The following GET4 variants were observed in gnomAD, a reference collection of about 807,000 sequenced individuals.
The protein encoded by GET4 is guided entry of tail-anchored proteins factor 4, also known as Golgi to ER traffic protein 4 homolog.
GET4 carries 20 observed loss-of-function variants against 40.0 expected under a neutral mutation model. The ratio of observed to expected loss-of-function variants is 0.50; its 90% CI spans 0.35 to 0.73. GET4 has a LOEUF of 0.73. Ranked by LOEUF, GET4 falls within the 30% of genes least tolerant of loss-of-function variation. The probability of loss-of-function intolerance (pLI) is 0.01; values close to 1 mark genes in which losing one functional copy is unlikely to be tolerated. For synonymous variants in GET4, 280 were observed against 194.6 expected (o/e 1.44, Z -3.65); for missense variants, 557 against 454.0 (o/e 1.23, Z -2.06).
chr7:887,644 G>A (rs1844218399), intron 4 of GET4, 125 bp downstream of exon 4: 7 of 719,446 alleles, frequency 9.7e-6, no homozygotes, highest in Non-Finnish European at 1.4e-5. Flanking sequence ...TGGTCACGCG[G>A]GCCGGTCCAT....
In GET4 at chr7:890,439, G is replaced by A. The variant is rs527786278; in HGVS notation, c.467-489G>A. ...ACGGGCCTGGGAGTGGAGGGAGTGT[G>A]AGCGGGTGTTAGGACGGGCTTGGGA... On this transcript the variant is annotated intron_variant, in intron 4 of 8. Transcript: ENST00000265857. Among the ~76,000 whole-genome samples the A allele has an allele frequency of 4.8e-4, 72 of 150,464 alleles. 5 individuals carry two copies. The highest frequency in any genetic ancestry group is 1.7e-3 in the African/African-American group (70 of 40,760).
chr7:889,312 C>T (rs1316923146), intron 4 of GET4, among the ~76,000 whole-genome samples: 1 of 152,266 alleles, frequency 6.6e-6, no homozygotes, highest in Non-Finnish European at 1.5e-5. Context: ...GGTGGCCACG[C>T]ACTGCCTCTG....
rs576831764 is a variant in GET4, at chr7:892,149, C to G, written c.606-129C>G. 4.8e-6 allele frequency: 4 copies of G among 833,876 alleles called. No homozygotes were observed. The South Asian group carries it at 4.8e-5, about 10-fold the overall frequency. The allele number at this position is 833,876 out of a possible 1,614,324, so 51.7% of individuals were successfully genotyped here. ...GAAGACACGCGTGAAGCACTGGGTC[C>G]CTCCATGGCCTTGGGCCGCAGGAAC... On this transcript the variant is annotated intron_variant, in intron 5 of 8. Transcript: ENST00000265857.
chr7:884,395 G>C (rs1406091722), intron 1 of GET4: 31 of 1,291,968 alleles, frequency 2.4e-5, no homozygotes, highest in Non-Finnish European at 3.2e-5. Context: ...TGGTGTTGGG[G>C]TGGGTCTCCC....
chr7:887,419 C>T lies in GET4; in HGVS notation c.366C>T (p.Arg122=), dbSNP rs191613326. The change falls in exon 4 of 9, where the codon CGC becomes CGT. Residue 122 remains arginine, a synonymous_variant. Transcript: ENST00000265857. ...FSLMDPNSPE[R]VTFVSRALKW... is the part of the protein sequence containing the mutation. ...TGATGGACCCCAACTCTCCTGAGCGCGTGACCTTTGTGTCCAGAGCCCTGA... is the reference window on the plus strand; with the variant it reads ...TGATGGACCCCAACTCTCCTGAGCGTGTGACCTTTGTGTCCAGAGCCCTGA... 89 of 1,604,140 alleles carry T rather than the reference C, an allele frequency of 5.5e-5. 2 individuals carry two copies. Among genetic ancestry groups the T allele is most frequent in the Middle Eastern group, 1.7e-4 (1 of 6,028 alleles).
chr7:892,076 T>C (rs1225092732), intron 5 of GET4, among the ~76,000 whole-genome samples: 1 of 152,244 alleles, frequency 6.6e-6, no homozygotes, highest in Non-Finnish European at 1.5e-5. Flanking sequence ...AGCTTCATTC[T>C]CTTCACCTGT....
At chr7:884,196 GT>G (rs1426385613) in intron 1 of GET4, 14 of 1,302,566 alleles carry the variant, frequency 1.1e-5, no homozygotes, top group Non-Finnish European at 1.4e-5. Context: ...CTTGCTCAGG[GT>G]CGGTGCATGC....
chr7:892,708 TGTG>T (rs1236874186), intron 6 of GET4, among the ~76,000 whole-genome samples: 5 of 149,466 alleles, frequency 3.3e-5, no homozygotes, highest in Admixed American at 6.7e-5. Flanking sequence ...TGTGTGCAGG[TGTG>T]GGGTGGTGTG....
intron 1 of GET4, chr7:883,442 C>T (rs964005255): frequency 4.4e-6 from 4 of 899,366 alleles, no homozygotes; most frequent in Admixed American, 6.2e-5. Flanking sequence ...GCCACTAGTT[C>T]TAATGCTTGC....
chr7:879,344 C>T (rs368280873), intron 1 of GET4, among the ~76,000 whole-genome samples: 59 of 152,340 alleles, frequency 3.9e-4, no homozygotes, highest in African/African-American at 1.3e-3. Context: ...GCCCCAGCCA[C>T]GGAGTGGATG....
At chr7:892,890 G>T (rs923698459) in intron 6 of GET4, among the ~76,000 whole-genome samples, 1 of 151,674 alleles carries the variant, frequency 6.6e-6, no homozygotes, top group Non-Finnish European at 1.5e-5. Context: ...GTGTGTAGAC[G>T]TGTGGGTAGC....
At chr7:885,186 TG>T (rs1355685983) in intron 1 of GET4, 2 of 152,280 alleles carry the variant, frequency 1.3e-5, no homozygotes, top group African/African-American at 2.4e-5. Flanking sequence ...TAACTCGTTA[TG>T]TATCTTTTGA....
Position 876,630 on chromosome 7 carries a change from G to C in GET4, c.-16G>C, listed in dbSNP as rs1843942912. 1.5e-5 allele frequency: 19 copies of C among 1,229,242 alleles called. No individual in the cohort carries two copies. The highest frequency in any genetic ancestry group is 9.2e-5 in the Admixed American group (2 of 21,762). 76.1% of individuals were successfully genotyped at this position (1,229,242 alleles called of 1,614,324 possible). A position where few individuals can be genotyped will look rare whatever the true frequency, so the allele number is the denominator to read the frequency against. ...GCGCCTGCGACAGCGTCAGCCCTGC[G>C]CGGAGCGCCGGCCCGATGGCGGCGG... On this transcript the variant is annotated 5_prime_UTR_variant, in exon 1 of 9. Coordinates refer to ENST00000265857, the MANE Select transcript of GET4 (RefSeq NM_015949.3).
intron 4 of GET4, among the ~76,000 whole-genome samples, chr7:887,966 C>G (rs1025031600): frequency 6.6e-6 from 1 of 152,050 alleles, no homozygotes; most frequent in Admixed American, 6.5e-5. Flanking sequence ...TTTTTAGTTC[C>G]AGGTCTGCAG....
chr7:881,251 G>A (rs1844079775), intron 1 of GET4: 1 of 152,330 alleles, frequency 6.6e-6, no homozygotes, highest in African/African-American at 2.4e-5. Context: ...ATTTGGTGAG[G>A]TCTGACATGA....
chr7:880,895 T>TG (rs1248023148), intron 1 of GET4: 1 of 152,256 alleles, frequency 6.6e-6, no homozygotes, highest in Non-Finnish European at 1.5e-5. Context: ...GACAGAGTCT[T>TG]GCTCTGTCGC....
chr7:876,813 G>T lies in GET4; in HGVS notation c.155+13G>T. The T allele has an allele frequency of 8.5e-7, 1 of 1,175,296 alleles. No individual in the cohort carries two copies. The highest frequency in any genetic ancestry group is 1.1e-6 in the Non-Finnish European group (1 of 938,834). 72.8% of individuals were successfully genotyped at this position (1,175,296 alleles called of 1,614,324 possible). On this transcript the variant is annotated intron_variant, in intron 1 of 8. Transcript: ENST00000265857. ...CCCTGTTCTTCAGGTACCCGCGCCC[G>T]GCCCTCGCCGCAGCCCAGCGCCCGC...
intron 1 of GET4, chr7:883,992 G>T (rs1489765432): frequency 4.6e-6 from 5 of 1,082,240 alleles, no homozygotes; most frequent in African/African-American, 1.7e-5. Flanking sequence ...GCTGCAAGGC[G>T]CAGTCCAAAC....
At position 886,622 on chromosome 7, in the gene GET4, G is replaced by A. The variant is rs765190588; in HGVS notation, c.288G>A (p.Ala96=). The change falls in exon 3 of 9, where the codon GCG becomes GCA. Residue 96 remains alanine (A), a synonymous_variant. Transcript: ENST00000265857. The part of the protein sequence containing the change: ...SMLVLESLEK[A]EVEVADELLE... ...TGGTCCTGGAGTCCCTGGAGAAGGC[G>A]GAAGTGGAGGTGGCTGACGAGCTGC... 18 of 1,612,622 alleles carry A rather than the reference G, an allele frequency of 1.1e-5. No individual in the cohort carries two copies. Among genetic ancestry groups the A allele is most frequent in the East Asian group, 6.7e-5 (3 of 44,902 alleles).
Sources: allele counts gnomAD v4.1 joint callset (sites outside exome capture counted in the v4.1 genomes callset), GRCh38; gene constraint gnomAD v4.1.1; transcripts MANE v1.5; gene names NCBI Gene and HGNC (gene_info 2026-07-23, HGNC 2026-07-21).